Variants in COP1 observed in about 807,000 individuals in gnomAD.
The protein encoded by COP1 is E3 ubiquitin-protein ligase COP1.
A neutral mutation model predicts 101.3 loss-of-function variants in COP1; 24 were observed. That is an observed-to-expected ratio of 0.24 (90% CI 0.17 to 0.33). The LOEUF is 0.33. Among genes scored for constraint, COP1 ranks in the 10% least tolerant of loss-of-function variants. The pLI is 1.00. For missense variants in COP1, 663 were observed against 906.2 expected (o/e 0.73, Z 3.45); for synonymous variants, 347 against 341.9 (o/e 1.01, Z -0.17).
At chr1:176,144,420 T>G (rs545793186) in intron 6 of COP1, among the ~76,000 whole-genome samples, 1 of 152,248 alleles carries the variant, frequency 6.6e-6, no homozygotes, top group African/African-American at 2.4e-5. Flanking sequence ...ATAAAAATTT[T>G]AAGGCTATTT....
Position 176,206,989 on chromosome 1 carries a change from TC to T in COP1, c.-12del. ...GCGGCTACCAGACATCGTGACTCCC[TC>T]CCCTCCAGCCGGGCGCTCGGAGGAG... On this transcript the variant is annotated 5_prime_UTR_variant, in exon 1 of 20. Transcript: ENST00000367669. 7.3e-7 allele frequency: 1 copy of T among 1,366,678 alleles called. No homozygotes were observed. 84.7% of individuals were successfully genotyped at this position (1,366,678 alleles called of 1,614,324 possible).
At chr1:176,197,972 A>G (rs1699874628) in intron 1 of COP1, among the ~76,000 whole-genome samples, 1 of 152,204 alleles carries the variant, frequency 6.6e-6, no homozygotes. Flanking sequence ...CCTCAACTGA[A>G]AAGCATAAAC....
intron 18 of COP1, chr1:175,982,266 G>T (rs1442985994): frequency 9.2e-6 from 4 of 433,744 alleles, no homozygotes; most frequent in African/African-American, 2.0e-5. Context: ...CAACAGCAAA[G>T]ATATGAAATC....
At chr1:176,126,991 T>A (rs1281777649) in intron 8 of COP1, among the ~76,000 whole-genome samples, 1 of 152,208 alleles carries the variant, frequency 6.6e-6, no homozygotes, top group Non-Finnish European at 1.5e-5. Flanking sequence ...ACATATCTTA[T>A]TTTTCCTCCT....
intron 2 of COP1, among the ~76,000 whole-genome samples, chr1:176,176,620 A>G (rs1696977323): frequency 6.6e-6 from 1 of 152,106 alleles, no homozygotes; most frequent in Non-Finnish European, 1.5e-5. Context: ...AGAGTTCAAG[A>G]CCAGCCTGGG....
intron 11 of COP1, among the ~76,000 whole-genome samples, chr1:176,053,290 T>C (rs115380656): frequency 0.011 from 1,622 of 152,284 alleles, 10 homozygotes; most frequent in Non-Finnish European, 0.018. Context: ...GTAAATTCAG[T>C]GTGCTTACTA....
chr1:176,029,668 G>T (rs1668331521), intron 14 of COP1, among the ~76,000 whole-genome samples: 2 of 152,064 alleles, frequency 1.3e-5, no homozygotes, highest in Admixed American at 1.3e-4. Flanking sequence ...ATGCATTTGG[G>T]GTTGGAAACC....
chr1:176,116,500 T>C (rs1176627801), intron 9 of COP1, 124 bp downstream of exon 9: 1 of 702,132 alleles, frequency 1.4e-6, no homozygotes, highest in African/African-American at 1.8e-5. Flanking sequence ...CAAGTGCTAA[T>C]CAACACCACT....
chr1:176,163,610 C>T (rs1186447950), intron 4 of COP1, among the ~76,000 whole-genome samples: 3 of 152,110 alleles, frequency 2.0e-5, no homozygotes, highest in African/African-American at 4.8e-5. Context: ...TATAATCCTA[C>T]CAGACCTTTC....
At chr1:176,035,710 C>CAAAAAAAAAAAAAAAA (rs71129541) in intron 14 of COP1, among the ~76,000 whole-genome samples, 1 of 73,110 alleles carries the variant, frequency 1.4e-5, no homozygotes, top group African/African-American at 7.1e-5. Flanking sequence ...AAAACGAGAC[C>CAAAAAAAAAAAAAAAA]AAAAAAAAAA....
chr1:176,055,260 C>T (rs4652145), intron 11 of COP1, among the ~76,000 whole-genome samples: 8,796 of 152,250 alleles, frequency 0.058, 604 homozygotes, highest in African/African-American at 0.16. Context: ...ACGATGAAAT[C>T]CAGCCTCTAC....
intron 15 of COP1, among the ~76,000 whole-genome samples, chr1:176,024,135 C>T (rs1220360568): frequency 1.3e-5 from 2 of 151,910 alleles, no homozygotes; most frequent in Admixed American, 6.6e-5. Flanking sequence ...GGCTGGTGCC[C>T]GTAGTCCCAG....
intron 11 of COP1, among the ~76,000 whole-genome samples, chr1:176,072,101 C>G (rs1306819181): frequency 6.6e-6 from 1 of 152,098 alleles, no homozygotes; most frequent in Non-Finnish European, 1.5e-5. Context: ...GAAAACTCAC[C>G]AACACTTGCT....
intron 5 of COP1, among the ~76,000 whole-genome samples, chr1:176,150,827 A>G (rs1267080451): frequency 6.6e-6 from 1 of 152,212 alleles, no homozygotes; most frequent in African/African-American, 2.4e-5. Flanking sequence ...AAGTGGGTCC[A>G]ACTACATACA....
At chr1:176,172,738 T>A (rs950451680) in intron 3 of COP1, among the ~76,000 whole-genome samples, 1 of 152,152 alleles carries the variant, frequency 6.6e-6, no homozygotes, top group Non-Finnish European at 1.5e-5. Flanking sequence ...AAAACATTTT[T>A]TAGTATAGAA....
chr1:176,128,994 C>A (rs551130521), intron 8 of COP1, among the ~76,000 whole-genome samples: 255 of 151,964 alleles, frequency 1.7e-3, no homozygotes, highest in African/African-American at 6.0e-3. Context: ...CCCTCCCAAG[C>A]ATATATTCTT....
rs144220970 is a variant in COP1, at chr1:176,019,576, C to T, written c.1729+7996G>A. Among the ~76,000 whole-genome samples, 116 of 151,052 alleles carry T rather than the reference C, an allele frequency of 7.7e-4. No homozygotes were observed. The East Asian group carries it at 0.017, about 22-fold the overall frequency. On this transcript the variant is annotated intron_variant, in intron 15 of 19. Transcript: ENST00000367669. ...AAAAAAAAAATCAAAACATCACTAA[C>T]AGGGCCTGGCACGGTGGCTCACACC... is the stretch of plus-strand genomic sequence containing the variant.
chr1:176,075,018 T>C (rs750958567), intron 11 of COP1, among the ~76,000 whole-genome samples: 1 of 152,178 alleles, frequency 6.6e-6, no homozygotes, highest in Non-Finnish European at 1.5e-5. Context: ...TCATAAACTA[T>C]TCTTTTATTT....
In COP1 at chr1:175,978,729, A is replaced by G. The variant is rs1655133213; in HGVS notation, c.2133+8214T>C. Among the ~76,000 whole-genome samples the G allele has an allele frequency of 3.9e-5, 6 of 152,172 alleles. 1 individual carries two copies. In the South Asian group the frequency reaches 1.2e-3, roughly 32 times the overall value. On this transcript the variant is annotated intron_variant, in intron 18 of 19. Coordinates refer to ENST00000367669, the MANE Select transcript of COP1 (RefSeq NM_022457.7). ...TTTTCTAAAGTGTTATAAACAATCC[A>G]GTCAGAGGAAAGAAGAAAAGAAAGG...
Sources: gnomAD v4.1 joint callset for allele counts (sites outside exome capture counted in the v4.1 genomes callset) on GRCh38, gnomAD v4.1.1 for gene constraint, MANE v1.5 for transcripts, NCBI Gene and HGNC (gene_info 2026-07-23, HGNC 2026-07-21) for gene names.